The following TENM3 variants were observed in gnomAD, a reference collection of about 807,000 sequenced individuals.
TENM3 encodes teneurin-3.
TENM3 carries 63 observed loss-of-function variants against 255.1 expected under a neutral mutation model. That is an observed-to-expected ratio of 0.25 (90% CI 0.20 to 0.30). The LOEUF (loss-of-function observed/expected upper bound fraction) is 0.30. TENM3 is among the 10% of genes least tolerant of loss of function. The probability of loss-of-function intolerance (pLI) is 1.00; values close to 1 mark genes in which losing one functional copy is unlikely to be tolerated. For missense variants in TENM3, 2,929 were observed against 3,461.1 expected (o/e 0.85, Z 3.86); for synonymous variants, 1,306 against 1,322.3 (o/e 0.99, Z 0.27).
chr4:182,154,699 T>C (rs1056308594), intron 1 of TENM3, among the ~76,000 whole-genome samples: 1 of 152,162 alleles, frequency 6.6e-6, no homozygotes, highest in Non-Finnish European at 1.5e-5. Context: ...GCAAGTTCTC[T>C]GTAAGCTTTT....
the TENM3 span, among the ~76,000 whole-genome samples, chr4:181,687,903 G>T: frequency 6.6e-6 from 1 of 152,246 alleles, no homozygotes; most frequent in South Asian, 2.1e-4. Context: ...GATGAACAAA[G>T]TCTTTTGATC....
chr4:182,508,357 G>A (rs1410116222), intron 3 of TENM3, among the ~76,000 whole-genome samples: 1 of 152,114 alleles, frequency 6.6e-6, no homozygotes, highest in Non-Finnish European at 1.5e-5. Context: ...TGTGATTATG[G>A]TTGTATAAAT....
chr4:181,489,031 A>G, the TENM3 span, among the ~76,000 whole-genome samples: 40 of 152,142 alleles, frequency 2.6e-4, no homozygotes, highest in Non-Finnish European at 4.9e-4. Context: ...AAGAATGCTG[A>G]CAGACTCAGT....
chr4:181,872,324 T>A, the TENM3 span, among the ~76,000 whole-genome samples: 1 of 137,516 alleles, frequency 7.3e-6, no homozygotes, highest in African/African-American at 2.6e-5. Flanking sequence ...TTACTTTTTT[T>A]AAACTTTTAT....
At chr4:182,417,029 G>T (rs537936773) in intron 3 of TENM3, among the ~76,000 whole-genome samples, 2 of 151,936 alleles carry the variant, frequency 1.3e-5, no homozygotes, top group Non-Finnish European at 2.9e-5. Context: ...GCTGGAGTGC[G>T]GTGGTGCGAT....
At chr4:182,632,381 C>A (rs182781088) in intron 5 of TENM3, among the ~76,000 whole-genome samples, 3 of 152,178 alleles carry the variant, frequency 2.0e-5, no homozygotes, top group Non-Finnish European at 2.9e-5. Flanking sequence ...ACCATGGCAA[C>A]TGTCAGTTTA....
At chr4:182,075,238 G>A in the TENM3 span, among the ~76,000 whole-genome samples, 14 of 128,486 alleles carry the variant, frequency 1.1e-4, no homozygotes, top group African/African-American at 2.8e-4. Flanking sequence ...TCGCTCTGCC[G>A]CCCAGGCTGG....
At chr4:181,717,341 G>A in the TENM3 span, among the ~76,000 whole-genome samples, 1 of 151,728 alleles carries the variant, frequency 6.6e-6, no homozygotes, top group Admixed American at 6.6e-5. Flanking sequence ...ATGATCACGG[G>A]GTATAAAAAT....
At chr4:182,617,685 A>G (rs1749666041) in intron 4 of TENM3, among the ~76,000 whole-genome samples, 1 of 152,218 alleles carries the variant, frequency 6.6e-6, no homozygotes, top group Non-Finnish European at 1.5e-5. Context: ...TGTCTTTGAA[A>G]TCAAAACATC....
the TENM3 span, among the ~76,000 whole-genome samples, chr4:181,596,218 A>C: frequency 3.9e-5 from 6 of 152,222 alleles, no homozygotes; most frequent in African/African-American, 1.4e-4. Context: ...TAAAGGAAAC[A>C]ATGTGAATAA....
chr4:182,502,795 G>A (rs182610666), intron 3 of TENM3, among the ~76,000 whole-genome samples: 40 of 151,480 alleles, frequency 2.6e-4, no homozygotes, highest in African/African-American at 8.5e-4. Context: ...GATGATCCTT[G>A]GTTATTCATG....
At chr4:182,370,534 C>A (rs1023148853) in intron 3 of TENM3, among the ~76,000 whole-genome samples, 7 of 152,046 alleles carry the variant, frequency 4.6e-5, no homozygotes, top group Non-Finnish European at 8.8e-5. Flanking sequence ...TCGGTTTTAA[C>A]AAAAAAGAGA....
At chr4:182,399,058 G>A (rs1163409082) in intron 3 of TENM3, among the ~76,000 whole-genome samples, 2 of 152,134 alleles carry the variant, frequency 1.3e-5, no homozygotes, top group Non-Finnish European at 2.9e-5. Context: ...GGCGACTGAG[G>A]TACCCTGTAC....
At chr4:182,107,257 A>T in the TENM3 span, among the ~76,000 whole-genome samples, 1 of 152,014 alleles carries the variant, frequency 6.6e-6, no homozygotes, top group Non-Finnish European at 1.5e-5. Flanking sequence ...TGATGAGCTG[A>T]TCCCTCAAGG....
At chr4:182,321,882 T>TTG (rs1763075132) in intron 1 of TENM3, among the ~76,000 whole-genome samples, 1 of 151,596 alleles carries the variant, frequency 6.6e-6, no homozygotes, top group Admixed American at 6.6e-5. Context: ...GAGGCGGAGG[T>TTG]TGCAGTGAGC....
chr4:182,604,194 G>C (rs1465368513), intron 4 of TENM3, among the ~76,000 whole-genome samples: 1 of 152,114 alleles, frequency 6.6e-6, no homozygotes, highest in East Asian at 1.9e-4. Flanking sequence ...CAATGTGACT[G>C]TGTACTGTAC....
chr4:182,030,348 C>G, the TENM3 span, among the ~76,000 whole-genome samples: 1 of 151,918 alleles, frequency 6.6e-6, no homozygotes, highest in African/African-American at 2.4e-5. Flanking sequence ...GTTTTCTGTC[C>G]CTGCATTAGT....
the TENM3 span, among the ~76,000 whole-genome samples, chr4:181,872,838 C>G: frequency 6.6e-6 from 1 of 152,118 alleles, no homozygotes; most frequent in Non-Finnish European, 1.5e-5. Context: ...CTCTAACAAA[C>G]TTAACTCATT....
chr4:181,739,298 A>G, the TENM3 span, among the ~76,000 whole-genome samples: 3 of 152,192 alleles, frequency 2.0e-5, no homozygotes, highest in South Asian at 6.2e-4. Context: ...GTCGAAACCA[A>G]TGTTTAAGAA....
Sources: gnomAD v4.1 joint callset for allele counts (sites outside exome capture counted in the v4.1 genomes callset) on GRCh38, gnomAD v4.1.1 for gene constraint, MANE v1.5 for transcripts, NCBI Gene and HGNC (gene_info 2026-07-23, HGNC 2026-07-21) for gene names.